The following PLXDC2 variants were observed in gnomAD, a reference collection of about 807,000 sequenced individuals.
The protein encoded by PLXDC2 is plexin domain-containing protein 2.
In PLXDC2, 40 loss-of-function variants were observed where a neutral mutation model predicts 68.9. The observed-to-expected ratio is 0.58, with a 90% CI of 0.45 to 0.76. The LOEUF is 0.76. Among genes scored for constraint, PLXDC2 ranks in the 30% least tolerant of loss-of-function variants. The pLI is 0.00. For synonymous variants in PLXDC2, 243 were observed against 234.2 expected (o/e 1.04, Z -0.34); for missense variants, 644 against 661.9 (o/e 0.97, Z 0.30).
intron 9 of PLXDC2, among the ~76,000 whole-genome samples, chr10:20,194,739 A>G (rs1834814784): frequency 6.7e-6 from 1 of 150,304 alleles, no homozygotes; most frequent in Non-Finnish European, 1.5e-5. Context: ...GCACCCATTT[A>G]ACTCGTCATT....
chr10:20,029,139 G>T (rs554678788), intron 2 of PLXDC2, among the ~76,000 whole-genome samples: 1 of 152,054 alleles, frequency 6.6e-6, no homozygotes, highest in Non-Finnish European at 1.5e-5. Context: ...TTACTTCTAT[G>T]AACCTTATTT....
chr10:19,837,101 G>A (rs1352177505), intron 1 of PLXDC2, among the ~76,000 whole-genome samples: 1 of 148,300 alleles, frequency 6.7e-6, no homozygotes, highest in African/African-American at 2.5e-5. Context: ...GAGGTGAATT[G>A]AAGGTTTTTT....
At chr10:19,822,496 G>A (rs1049045245) in intron 1 of PLXDC2, among the ~76,000 whole-genome samples, 1 of 152,166 alleles carries the variant, frequency 6.6e-6, no homozygotes, top group Non-Finnish European at 1.5e-5. Flanking sequence ...ATACAGAAGA[G>A]AGGTTGCTAG....
At chr10:19,996,544 C>A (rs1311590810) in intron 1 of PLXDC2, among the ~76,000 whole-genome samples, 1 of 152,108 alleles carries the variant, frequency 6.6e-6, no homozygotes, top group African/African-American at 2.4e-5. Flanking sequence ...TATGATCGTG[C>A]CATTGCACTT....
intron 1 of PLXDC2, among the ~76,000 whole-genome samples, chr10:19,865,583 T>C (rs1837399096): frequency 6.6e-6 from 1 of 152,158 alleles, no homozygotes; most frequent in African/African-American, 2.4e-5. Context: ...CAGGGTATAA[T>C]GGGTAGTAAA....
Position 20,273,533 on chromosome 10 carries a change from G to A in PLXDC2, c.1474-6170G>A, listed in dbSNP as rs531996300. ...ATATACATAGAGCACGATATAGATA[G>A]ATATACATACATAGACACACATATA... On this transcript the variant is annotated intron_variant, in intron 13 of 13. Coordinates refer to ENST00000377252, the MANE Select transcript of PLXDC2 (RefSeq NM_032812.9). 5.2e-5 allele frequency among the ~76,000 whole-genome samples: 7 copies of A among 135,886 alleles called. No homozygotes were observed. The South Asian group carries it at 1.7e-3, about 34-fold the overall frequency. The allele number at this position is 135,886 out of a possible 152,430, so 89.1% of individuals were successfully genotyped here.
rs1454528937 is a variant in PLXDC2 at position 20,283,944 on chromosome 10, A to AT, written c.*4128dup. 6.6e-6 allele frequency: 1 copy of AT among 152,174 alleles called. No individual in the cohort carries two copies. Among genetic ancestry groups the AT allele is most frequent in the Non-Finnish European group, 1.5e-5 (1 of 68,032 alleles). 9.4% of individuals were successfully genotyped at this position (152,174 alleles called of 1,614,324 possible). A position where few individuals can be genotyped will look rare whatever the true frequency, so the allele number is the denominator to read the frequency against. On this transcript the variant is annotated 3_prime_UTR_variant, in exon 14 of 14. Coordinates refer to ENST00000377252, the MANE Select transcript of PLXDC2 (RefSeq NM_032812.9). ...AGATACATATTCTAAGGTTAGTATC[A>AT]TTTATCAGTTTTTCGCAACAGATTC...
intron 1 of PLXDC2, among the ~76,000 whole-genome samples, chr10:19,899,263 T>A (rs1336796548): frequency 1.3e-5 from 2 of 152,208 alleles, no homozygotes; most frequent in African/African-American, 4.8e-5. Flanking sequence ...ATTACACTTA[T>A]GTAAAATGTG....
chr10:20,070,195 C>G (rs543696709), intron 4 of PLXDC2, among the ~76,000 whole-genome samples: 2 of 151,960 alleles, frequency 1.3e-5, no homozygotes, highest in Middle Eastern at 3.2e-3. Context: ...AGGGATAGTT[C>G]GAGTCATTAG....
chr10:19,958,638 T>A (rs1271122213), intron 1 of PLXDC2, among the ~76,000 whole-genome samples: 2 of 152,148 alleles, frequency 1.3e-5, no homozygotes, highest in Non-Finnish European at 2.9e-5. Flanking sequence ...GTAACGTAGT[T>A]CAGTACTTGA....
chr10:20,233,725 G>A (rs1490802436), intron 12 of PLXDC2, among the ~76,000 whole-genome samples: 1 of 152,158 alleles, frequency 6.6e-6, no homozygotes, highest in Non-Finnish European at 1.5e-5. Flanking sequence ...GTCCAGTAGA[G>A]TATATAGTCA....
chr10:19,860,230 C>G (rs1453220329), intron 1 of PLXDC2, among the ~76,000 whole-genome samples: 1 of 152,176 alleles, frequency 6.6e-6, no homozygotes, highest in Admixed American at 6.5e-5. Context: ...AATCATTGAT[C>G]TGAACAATTA....
intron 4 of PLXDC2, among the ~76,000 whole-genome samples, chr10:20,089,317 T>C (rs1833245933): frequency 6.6e-6 from 1 of 152,158 alleles, no homozygotes; most frequent in Middle Eastern, 3.4e-3. Context: ...GAAGTAACAT[T>C]TGGCTTGAAT....
chr10:19,892,332 C>T (rs887051745), intron 1 of PLXDC2, among the ~76,000 whole-genome samples: 3 of 152,228 alleles, frequency 2.0e-5, no homozygotes, highest in Admixed American at 1.3e-4. Context: ...CAAAGTCATT[C>T]AGCTAGTAAG....
intron 13 of PLXDC2, among the ~76,000 whole-genome samples, chr10:20,261,033 A>G (rs530887087): frequency 2.0e-5 from 3 of 152,176 alleles, no homozygotes; most frequent in Admixed American, 6.5e-5. Context: ...CCATTTTTAA[A>G]TTGAGTTATT....
chr10:19,986,149 A>G (rs1420679477), intron 1 of PLXDC2, among the ~76,000 whole-genome samples: 1 of 152,028 alleles, frequency 6.6e-6, no homozygotes, highest in Admixed American at 6.6e-5. Context: ...TTTTTTTTTC[A>G]CAAACAGGAA....
chr10:19,908,939 T>C (rs1833218082), intron 1 of PLXDC2, among the ~76,000 whole-genome samples: 1 of 152,214 alleles, frequency 6.6e-6, no homozygotes, highest in Admixed American at 6.5e-5. Context: ...TTTTGAGTTT[T>C]TGATCACCAA....
At chr10:20,217,331 G>T (rs1486634965) in intron 10 of PLXDC2, 95 bp from the exon 11 acceptor site, 17 of 1,084,256 alleles carry the variant, frequency 1.6e-5, no homozygotes, top group Middle Eastern at 2.2e-4. Context: ...TGATATGAGA[G>T]GCTTTTGTGC....
At chr10:19,920,634 T>A (rs538143316) in intron 1 of PLXDC2, among the ~76,000 whole-genome samples, 1 of 152,160 alleles carries the variant, frequency 6.6e-6, no homozygotes, top group South Asian at 2.1e-4. Context: ...GCTGCCCCCA[T>A]CTGCTCAGAG....
Sources: allele counts gnomAD v4.1 joint callset (sites outside exome capture counted in the v4.1 genomes callset), GRCh38; gene constraint gnomAD v4.1.1; transcripts MANE v1.5; gene names NCBI Gene and HGNC (gene_info 2026-07-23, HGNC 2026-07-21).